Variants in PTPRN2 observed in about 807,000 individuals in gnomAD.
PTPRN2 encodes the protein protein tyrosine phosphatase receptor type N2.
Under a neutral mutation model 118.8 loss-of-function variants are expected in PTPRN2, and 74 were observed. The observed-to-expected ratio is 0.62, with a 90% CI of 0.52 to 0.76. PTPRN2 has a LOEUF of 0.76. Ranked by LOEUF, PTPRN2 falls within the 30% of genes least tolerant of loss-of-function variation. The probability of loss-of-function intolerance (pLI) is 0.00; values close to 1 mark genes in which losing one functional copy is unlikely to be tolerated. For missense variants in PTPRN2, 1,481 were observed against 1,394.4 expected (o/e 1.06, Z -0.99); for synonymous variants, 641 against 608.0 (o/e 1.05, Z -0.80).
chr7:158,006,611 G>A (rs141740194), intron 11 of PTPRN2, among the ~76,000 whole-genome samples: 61 of 152,262 alleles, frequency 4.0e-4, no homozygotes, highest in African/African-American at 1.4e-3. Flanking sequence ...AGCTGTGGAC[G>A]GCAATGGCTT....
chr7:158,178,241 G>A (rs1355758376), intron 5 of PTPRN2, among the ~76,000 whole-genome samples: 1 of 152,082 alleles, frequency 6.6e-6, no homozygotes, highest in Non-Finnish European at 1.5e-5. Flanking sequence ...CGCATGGTTT[G>A]GGTCACATGT....
At chr7:158,331,781 C>T (rs1262822654) in intron 2 of PTPRN2, among the ~76,000 whole-genome samples, 1 of 151,048 alleles carries the variant, frequency 6.6e-6, no homozygotes, top group Non-Finnish European at 1.5e-5. Context: ...TAAGAGCTGT[C>T]ACGCACAGAC....
intron 3 of PTPRN2, among the ~76,000 whole-genome samples, chr7:158,315,240 AAAGGACAGAGGTGAACCCGGGACCCCCTG>A (rs1563124721): frequency 4.4e-4 from 13 of 29,360 alleles, no homozygotes; most frequent in South Asian, 1.3e-3. Context: ...GGGACCCCCT[AAAGGACAGAGGTGAACCCGGGACCCCCTG>A]AAGGACAGAG....
intron 11 of PTPRN2, among the ~76,000 whole-genome samples, chr7:157,908,308 G>A (rs1584996750): frequency 6.6e-6 from 1 of 152,360 alleles, no homozygotes; most frequent in Non-Finnish European, 1.5e-5. Flanking sequence ...CTCCACCCCT[G>A]CAGCCTGCAT....
At chr7:158,047,954 C>T (rs1002520805) in intron 11 of PTPRN2, among the ~76,000 whole-genome samples, 3 of 152,088 alleles carry the variant, frequency 2.0e-5, no homozygotes, top group African/African-American at 4.8e-5. Context: ...ATGGAACACA[C>T]GTAAGGCAGC....
chr7:157,721,981 C>T (rs186152464), intron 12 of PTPRN2, among the ~76,000 whole-genome samples: 184 of 152,330 alleles, frequency 1.2e-3, no homozygotes, highest in Middle Eastern at 3.4e-3. Context: ...ACGTGCTGTG[C>T]GCAGCCTGAC....
At chr7:158,354,652 G>A (rs1371774310) in intron 2 of PTPRN2, among the ~76,000 whole-genome samples, 1 of 152,014 alleles carries the variant, frequency 6.6e-6, no homozygotes, top group Admixed American at 6.6e-5. Context: ...AAAGAACAAA[G>A]AATGAAAGAC....
chr7:158,327,091 TCA>T (rs1458169918), intron 2 of PTPRN2, among the ~76,000 whole-genome samples: 2 of 138,940 alleles, frequency 1.4e-5, no homozygotes, highest in East Asian at 4.5e-4. Flanking sequence ...TCACATGCAC[TCA>T]TTCTCACCCA....
At chr7:158,258,526 C>T (rs1372940327) in intron 3 of PTPRN2, among the ~76,000 whole-genome samples, 1 of 152,218 alleles carries the variant, frequency 6.6e-6, no homozygotes, top group East Asian at 1.9e-4. Flanking sequence ...CCCTGCTGAT[C>T]CTCTGCATCC....
chr7:158,556,686 C>T (rs1178715249), intron 1 of PTPRN2, among the ~76,000 whole-genome samples: 2 of 152,272 alleles, frequency 1.3e-5, no homozygotes, highest in East Asian at 3.8e-4. Flanking sequence ...TCAGAGAACA[C>T]TGCAGCTCCC....
rs1374735884 is a variant in PTPRN2 at position 157,764,411 on chromosome 7, A to AT, written c.1789-81475dup. Reference sequence around the variant, plus strand: ...ATTACTCAGCACTGAAAAGGCAGAGATTTTGGATGCAGGCTACAACATGGA... The same window carrying AT: ...ATTACTCAGCACTGAAAAGGCAGAGATTTTTGGATGCAGGCTACAACATGGA... On this transcript the variant is annotated intron_variant, in intron 12 of 22. Coordinates refer to ENST00000389418, the MANE Select transcript of PTPRN2 (RefSeq NM_002847.5). The surrounding 1 kb of genome is among the most constrained non-coding windows in gnomAD (Gnocchi z 4.5). 3.3e-5 allele frequency among the ~76,000 whole-genome samples: 5 copies of AT among 152,226 alleles called. No individual in the cohort carries two copies. The highest frequency in any genetic ancestry group is 7.3e-5 in the Non-Finnish European group (5 of 68,044).
rs547473181 is a variant in PTPRN2, at chr7:158,132,304, C to T, written c.1556+1373G>A. On this transcript the variant is annotated intron_variant, in intron 9 of 22. Coordinates refer to ENST00000389418, the MANE Select transcript of PTPRN2 (RefSeq NM_002847.5). ...ACGCACAAACTGATACACATCTACC[C>T]GACATACACACTCATACACACACAT... 1.5e-4 allele frequency among the ~76,000 whole-genome samples: 23 copies of T among 150,530 alleles called. No homozygotes were observed. In the Middle Eastern group the frequency reaches 0.014, roughly 91 times the overall value.
At chr7:157,793,238 A>G (rs919223987) in intron 12 of PTPRN2, among the ~76,000 whole-genome samples, 2 of 152,128 alleles carry the variant, frequency 1.3e-5, no homozygotes, top group Admixed American at 1.3e-4. Context: ...TTTCTGCTGA[A>G]AAGAATGTGG....
chr7:158,302,481 C>T (rs1458722540), intron 3 of PTPRN2, among the ~76,000 whole-genome samples: 1 of 152,236 alleles, frequency 6.6e-6, no homozygotes, highest in Non-Finnish European at 1.5e-5. Flanking sequence ...CTCCCTCTGC[C>T]CAATTCAGCT....
At chr7:157,727,081 A>G (rs73163896) in intron 12 of PTPRN2, among the ~76,000 whole-genome samples, 2,874 of 152,288 alleles carry the variant, frequency 0.019, 38 homozygotes, top group Middle Eastern at 0.034. Flanking sequence ...GCGGTTCCTC[A>G]GAGTTAGAAA....
chr7:158,467,125 A>T (rs1282428602), intron 2 of PTPRN2, among the ~76,000 whole-genome samples: 1 of 152,152 alleles, frequency 6.6e-6, no homozygotes, highest in African/African-American at 2.4e-5. Flanking sequence ...GTGAGAGGGT[A>T]AGTCACTGGG....
At chr7:158,172,283 C>A (rs1823769324) in intron 5 of PTPRN2, among the ~76,000 whole-genome samples, 1 of 152,184 alleles carries the variant, frequency 6.6e-6, no homozygotes, top group African/African-American at 2.4e-5. Context: ...ATTCTGTTTT[C>A]TTTAAAAGCC....
At chr7:157,850,836 G>T (rs1210523670) in intron 12 of PTPRN2, among the ~76,000 whole-genome samples, 1 of 152,246 alleles carries the variant, frequency 6.6e-6, no homozygotes, top group Non-Finnish European at 1.5e-5. Context: ...GATCAGGAAT[G>T]CTGTGCCACA....
At chr7:158,413,763 G>C (rs1814398500) in intron 2 of PTPRN2, among the ~76,000 whole-genome samples, 1 of 152,214 alleles carries the variant, frequency 6.6e-6, no homozygotes, top group Non-Finnish European at 1.5e-5. Flanking sequence ...TGGGGAGCCT[G>C]TGGGACACAC....
Sources: gnomAD v4.1 joint callset for allele counts (sites outside exome capture counted in the v4.1 genomes callset) on GRCh38, gnomAD v4.1.1 for gene constraint, Gnocchi (gnomAD v3.1) non-coding constraint, MANE v1.5 for transcripts, NCBI Gene and HGNC (gene_info 2026-07-23, HGNC 2026-07-21) for gene names.